SCLT1: variants seen among roughly 807,000 people sequenced by gnomAD.
SCLT1 encodes sodium channel and clathrin linker 1, also known as sodium channel-associated protein 1.
Under a neutral mutation model 112.8 loss-of-function variants are expected in SCLT1, and 78 were observed. That is an observed-to-expected ratio of 0.69 (90% CI 0.58 to 0.83). SCLT1 has a LOEUF of 0.83. Among genes scored for constraint, SCLT1 ranks in the 40% least tolerant of loss-of-function variants. SCLT1 has a pLI of 0.00. For missense variants in SCLT1, 747 were observed against 770.4 expected (o/e 0.97, Z 0.36); for synonymous variants, 257 against 254.7 (o/e 1.01, Z -0.09).
chr4:129,033,502 T>TAAAAAAAAAAAA (rs56325033), intron 5 of SCLT1, among the ~76,000 whole-genome samples: 8 of 44,312 alleles, frequency 1.8e-4, no homozygotes, highest in Non-Finnish European at 2.9e-4. Flanking sequence ...GAACTTAAAG[T>TAAAAAAAAAAAA]AAAAAAAAAA....
At chr4:128,960,788 C>T (rs1428770252) in intron 11 of SCLT1, among the ~76,000 whole-genome samples, 1 of 150,578 alleles carries the variant, frequency 6.6e-6, no homozygotes, top group Non-Finnish European at 1.5e-5. Context: ...GGCTCGGTGG[C>T]GGGCGCCTGT....
chr4:129,000,566 C>T (rs1374563882), intron 6 of SCLT1, among the ~76,000 whole-genome samples: 1 of 151,924 alleles, frequency 6.6e-6, no homozygotes, highest in African/African-American at 2.4e-5. Flanking sequence ...CACAAATGTA[C>T]AGTGAAGTTT....
chr4:128,882,806 G>A (rs1732671490), downstream of SCLT1, among the ~76,000 whole-genome samples: 1 of 152,120 alleles, frequency 6.6e-6, no homozygotes, highest in Admixed American at 6.6e-5. Flanking sequence ...GAAGGCCTCT[G>A]AGGAACTGAT....
At chr4:129,004,569 G>A (rs905447307) in intron 5 of SCLT1, among the ~76,000 whole-genome samples, 2 of 151,758 alleles carry the variant, frequency 1.3e-5, no homozygotes, top group Admixed American at 1.3e-4. Flanking sequence ...ACATACTTAA[G>A]AGAAAAAAAG....
intron 9 of SCLT1, among the ~76,000 whole-genome samples, chr4:128,979,313 T>G (rs1206579885): frequency 6.6e-6 from 1 of 152,132 alleles, no homozygotes; most frequent in Non-Finnish European, 1.5e-5. Flanking sequence ...CTCAATGTAA[T>G]GATATTACCA....
intron 5 of SCLT1, among the ~76,000 whole-genome samples, chr4:129,010,617 A>G (rs1369565746): frequency 3.3e-5 from 5 of 152,104 alleles, no homozygotes; most frequent in Non-Finnish European, 7.4e-5. Flanking sequence ...CTTCTTGTAG[A>G]GAGATCTTTC....
chr4:129,068,197 C>G (rs886638539), intron 2 of SCLT1, among the ~76,000 whole-genome samples: 3 of 152,090 alleles, frequency 2.0e-5, no homozygotes, highest in Non-Finnish European at 1.5e-5. Context: ...AAGTAGTATT[C>G]CATCACATAT....
chr4:128,977,992 G>A (rs1741325453), intron 9 of SCLT1, among the ~76,000 whole-genome samples: 1 of 152,112 alleles, frequency 6.6e-6, no homozygotes, highest in Admixed American at 6.6e-5. Context: ...GACTAGATTT[G>A]TGATCATCTG....
chr4:129,005,422 T>C (rs1347686492), intron 5 of SCLT1, among the ~76,000 whole-genome samples: 1 of 152,170 alleles, frequency 6.6e-6, no homozygotes, highest in Admixed American at 6.5e-5. Flanking sequence ...AAAATGCTCA[T>C]CATCACTGGC....
intron 17 of SCLT1, among the ~76,000 whole-genome samples, chr4:128,940,286 T>C (rs1737574411): frequency 6.6e-6 from 1 of 151,752 alleles, no homozygotes; most frequent in Admixed American, 6.6e-5. Flanking sequence ...ATTCATTGAT[T>C]CCATCCCCAC....
rs1732731426 is a variant in SCLT1 at position 128,884,308 on chromosome 4, G to A, written c.*169C>T. On this transcript the variant is annotated 3_prime_UTR_variant, in exon 21 of 21. Transcript: ENST00000281142. Reference sequence around the variant, plus strand: ...AGGATTATATTTTCTTTACTTACAGGAAGTGGTCACTGCTCTGTTTTCCAA... The same window carrying A: ...AGGATTATATTTTCTTTACTTACAGAAAGTGGTCACTGCTCTGTTTTCCAA... 2.0e-6 allele frequency: 1 copy of A among 505,288 alleles called. No individual in the cohort carries two copies. The allele number at this position is 505,288 out of a possible 1,614,324, so 31.3% of individuals were successfully genotyped here.
chr4:128,874,125 A>C (rs1489348738), intron 5 of SCLT1: 1 of 152,666 alleles, frequency 6.6e-6, no homozygotes, highest in East Asian at 1.9e-4. Context: ...GGTTCTTATG[A>C]ATCCAAGTTG....
chr4:128,880,924 C>T (rs1163743530), downstream of SCLT1, among the ~76,000 whole-genome samples: 2 of 152,062 alleles, frequency 1.3e-5, no homozygotes, highest in African/African-American at 4.8e-5. Context: ...TACACATAGG[C>T]AAGTATCACA....
rs530819334 is a variant in SCLT1, at chr4:128,970,566, CTT to C, written c.687-100_687-99del. 21 of 691,304 alleles carry C rather than the reference CTT, an allele frequency of 3.0e-5. 1 individual carries two copies. The South Asian group carries it at 3.2e-4, about 11-fold the overall frequency. The allele number at this position is 691,304 out of a possible 1,614,324, so 42.8% of individuals were successfully genotyped here. A position where few individuals can be genotyped will look rare whatever the true frequency, so the allele number is the denominator to read the frequency against. On this transcript the variant is annotated intron_variant, in intron 9 of 20. Coordinates refer to ENST00000281142, the MANE Select transcript of SCLT1 (RefSeq NM_144643.4). ...GAATTTGGTAAAATCAGTTCTAACT[CTT>C]GTTTATCTAAAATGGATCCATGGAA...
intron 9 of SCLT1, among the ~76,000 whole-genome samples, chr4:128,988,527 G>C (rs1435900046): frequency 6.6e-6 from 1 of 151,662 alleles, no homozygotes; most frequent in Non-Finnish European, 1.5e-5. Flanking sequence ...TATACTACAA[G>C]AGAAAGTCAC....
chr4:128,890,179 C>T (rs1733200257), intron 19 of SCLT1, among the ~76,000 whole-genome samples: 1 of 152,136 alleles, frequency 6.6e-6, no homozygotes, highest in Admixed American at 6.5e-5. Context: ...GCAACTTCTT[C>T]TATACTGCTA....
intron 18 of SCLT1, among the ~76,000 whole-genome samples, chr4:128,913,462 T>A (rs76332408): frequency 0.015 from 2,260 of 152,184 alleles, 66 homozygotes; most frequent in African/African-American, 0.051. Flanking sequence ...GAATAAAGGG[T>A]ATGAAATAGT....
At chr4:128,893,030 G>A (rs1213211588) in intron 18 of SCLT1, among the ~76,000 whole-genome samples, 1 of 152,168 alleles carries the variant, frequency 6.6e-6, no homozygotes, top group African/African-American at 2.4e-5. Context: ...TAGGTCAAAT[G>A]TAATTACAGG....
At chr4:129,023,781 TAGTC>T (rs1560977964) in intron 5 of SCLT1, among the ~76,000 whole-genome samples, 1 of 152,166 alleles carries the variant, frequency 6.6e-6, no homozygotes, top group Non-Finnish European at 1.5e-5. Context: ...TTCCCTTTCC[TAGTC>T]AAAGAAAGGG....
Sources: gnomAD v4.1 joint callset for allele counts (sites outside exome capture counted in the v4.1 genomes callset) on GRCh38, gnomAD v4.1.1 for gene constraint, MANE v1.5 for transcripts, NCBI Gene and HGNC (gene_info 2026-07-23, HGNC 2026-07-21) for gene names.